Variants in CDH19 observed in about 807,000 individuals in gnomAD.
CDH19 encodes the protein cadherin-19.
A neutral mutation model predicts 64.2 loss-of-function variants in CDH19; 67 were observed. The ratio of observed to expected loss-of-function variants is 1.04; its 90% CI spans 0.86 to 1.28. The LOEUF (loss-of-function observed/expected upper bound fraction) is 1.28, where lower values mean the gene tolerates loss of function less well. CDH19 is among the 50% of genes most tolerant of loss of function. The pLI is 0.00. For missense variants in CDH19, 1,030 were observed against 929.0 expected, an observed-to-expected ratio of 1.11 and a Z score of -1.41; for synonymous variants, 346 against 319.3, an observed-to-expected ratio of 1.08 and a Z score of -0.89.
intron 2 of CDH19, among the ~76,000 whole-genome samples, chr18:66,569,953 A>G (rs1369806885): frequency 6.6e-6 from 1 of 151,686 alleles, no homozygotes; most frequent in African/African-American, 2.4e-5. Context: ...AGGTACTAGT[A>G]ACTAATTTTG....
At chr18:66,592,168 C>T (rs1988764869) in intron 1 of CDH19, among the ~76,000 whole-genome samples, 1 of 151,842 alleles carries the variant, frequency 6.6e-6, no homozygotes, top group Non-Finnish European at 1.5e-5. Context: ...TCTTAAATCC[C>T]TCAAGTAAAT....
chr18:66,537,795 C>T (rs1986732131), intron 7 of CDH19, among the ~76,000 whole-genome samples: 1 of 151,950 alleles, frequency 6.6e-6, no homozygotes. Context: ...GTTCCCATTG[C>T]TTCTTGAGTT....
intron 1 of CDH19, among the ~76,000 whole-genome samples, chr18:66,585,765 A>T (rs1477912403): frequency 6.6e-6 from 1 of 152,032 alleles, no homozygotes; most frequent in Non-Finnish European, 1.5e-5. Flanking sequence ...ATTTTCCCTG[A>T]TGTATATGTT....
intron 1 of CDH19, among the ~76,000 whole-genome samples, chr18:66,602,802 T>TTA (rs1989070063): frequency 6.6e-6 from 1 of 151,854 alleles, no homozygotes; most frequent in South Asian, 2.1e-4. Flanking sequence ...AATGAAATGC[T>TTA]TATTCCTTTT....
chr18:66,597,195 C>T (rs890599408), intron 1 of CDH19, among the ~76,000 whole-genome samples: 2 of 114,352 alleles, frequency 1.7e-5, no homozygotes, highest in Admixed American at 9.1e-5. Flanking sequence ...AAGAACCACA[C>T]TACCTGACTT....
At chr18:66,545,808 A>C (rs1178041013) in intron 5 of CDH19, among the ~76,000 whole-genome samples, 1 of 152,140 alleles carries the variant, frequency 6.6e-6, no homozygotes, top group African/African-American at 2.4e-5. Context: ...AAATGCAAGG[A>C]AATATAGATC....
intron 5 of CDH19, among the ~76,000 whole-genome samples, chr18:66,549,226 A>G (rs973806985): frequency 6.6e-6 from 1 of 152,162 alleles, no homozygotes; most frequent in Admixed American, 6.5e-5. Flanking sequence ...ATATTTTAAT[A>G]TTAAAGTCAG....
At chr18:66,534,765 G>A (rs1986592599) in intron 8 of CDH19, among the ~76,000 whole-genome samples, 1 of 151,760 alleles carries the variant, frequency 6.6e-6, no homozygotes, top group Non-Finnish European at 1.5e-5. Context: ...TTCTTGTATG[G>A]AAAATTATTT....
At position 66,568,459 on chromosome 18, in the gene CDH19, T is replaced by G. The variant is rs982890632; in HGVS notation, c.447A>C (p.Leu149=). 6.2e-7 allele frequency: 1 copy of G among 1,612,048 alleles called. No individual in the cohort carries two copies. Among genetic ancestry groups the G allele is most frequent in the East Asian group, 2.2e-5 (1 of 44,816 alleles). The change falls in exon 3 of 12, where the codon CTA becomes CTC. Residue 149 remains leucine, a synonymous_variant. Coordinates refer to ENST00000262150, the MANE Select transcript of CDH19 (RefSeq NM_021153.4). ...GTACAATGGCCTCATAAGGTTCATC[T>G]AGGAATTTTGGTTCATTGTCATTGA... ...SDINDNEPKF[L]DEPYEAIVPE...
At chr18:66,587,521 G>A (rs542023668) in intron 1 of CDH19, among the ~76,000 whole-genome samples, 3 of 152,274 alleles carry the variant, frequency 2.0e-5, no homozygotes, top group African/African-American at 4.8e-5. Flanking sequence ...TTTGGTTACT[G>A]TGGTAGACAT....
chr18:66,563,904 T>C (rs1987811823), intron 3 of CDH19, among the ~76,000 whole-genome samples: 1 of 151,630 alleles, frequency 6.6e-6, no homozygotes, highest in Non-Finnish European at 1.5e-5. Flanking sequence ...TAATCTGAGA[T>C]AATGGAATTT....
intron 9 of CDH19, among the ~76,000 whole-genome samples, chr18:66,529,210 G>A (rs1254993632): frequency 6.6e-6 from 1 of 151,496 alleles, no homozygotes; most frequent in Non-Finnish European, 1.5e-5. Context: ...ACAAAACTCA[G>A]TTTTATTTGT....
At chr18:66,557,557 G>T (rs1411052168) in intron 3 of CDH19, among the ~76,000 whole-genome samples, 5 of 151,860 alleles carry the variant, frequency 3.3e-5, no homozygotes, top group Non-Finnish European at 7.4e-5. Flanking sequence ...ATTTGATGGG[G>T]ATTTTAATTT....
chr18:66,550,450 C>T (rs558938560), intron 5 of CDH19, among the ~76,000 whole-genome samples: 1 of 152,010 alleles, frequency 6.6e-6, no homozygotes, highest in East Asian at 1.9e-4. Flanking sequence ...AATATGTCAC[C>T]GAAAGTGGCA....
intron 1 of CDH19, among the ~76,000 whole-genome samples, chr18:66,584,965 T>A (rs901911167): frequency 1.3e-5 from 2 of 152,112 alleles, no homozygotes; most frequent in Non-Finnish European, 2.9e-5. Context: ...TTTTTAGTTT[T>A]CATGTACAAT....
Position 66,504,276 on chromosome 18 carries a change from A to G in CDH19, c.*536T>C, listed in dbSNP as rs1985070591. 1.4e-5 allele frequency: 2 copies of G among 144,098 alleles called. No homozygotes were observed. Among genetic ancestry groups the G allele is most frequent in the African/African-American group, 5.1e-5 (2 of 39,300 alleles). The allele number at this position is 144,098 out of a possible 1,614,324, so 8.9% of individuals were successfully genotyped here. ...TATCATACTTTCTAGTTTTCTACGA[A>G]GATTACCTAGCATTCTTTTTTTTTT... On this transcript the variant is annotated 3_prime_UTR_variant, in exon 12 of 12. Transcript: ENST00000262150.
At chr18:66,563,291 A>G (rs1033039671) in intron 3 of CDH19, among the ~76,000 whole-genome samples, 3 of 152,032 alleles carry the variant, frequency 2.0e-5, no homozygotes, top group Admixed American at 1.3e-4. Context: ...TCAAAATGAC[A>G]TTTACTTTAG....
At chr18:66,522,703 C>T (rs1362222914) in intron 9 of CDH19, among the ~76,000 whole-genome samples, 1 of 150,128 alleles carries the variant, frequency 6.7e-6, no homozygotes, top group Non-Finnish European at 1.5e-5. Flanking sequence ...TAATATGTTT[C>T]ATATTAATTC....
At chr18:66,592,498 T>A (rs974394470) in intron 1 of CDH19, among the ~76,000 whole-genome samples, 1 of 151,796 alleles carries the variant, frequency 6.6e-6, no homozygotes, top group Non-Finnish European at 1.5e-5. Context: ...TCTCTAGCCA[T>A]AACTTTATAT....
Sources: allele counts gnomAD v4.1 joint callset (sites outside exome capture counted in the v4.1 genomes callset), GRCh38; gene constraint gnomAD v4.1.1; transcripts MANE v1.5; gene names NCBI Gene and HGNC (gene_info 2026-07-23, HGNC 2026-07-21).